PXMP2: variants seen among roughly 807,000 people sequenced by gnomAD.
The protein encoded by PXMP2 is 22 kDa peroxisomal membrane protein.
In PXMP2, 13 loss-of-function variants were observed where a neutral mutation model predicts 20.2. The observed-to-expected ratio is 0.64, with a 90% CI of 0.42 to 1.02. The LOEUF is 1.02. PXMP2 is among the 50% of genes least tolerant of loss of function. The pLI is 0.00. For synonymous variants in PXMP2, 113 were observed against 111.2 expected (o/e 1.02, Z -0.10); for missense variants, 284 against 251.8 (o/e 1.13, Z -0.87).
intron 1 of PXMP2, 30 bp downstream of exon 1, chr12:132,687,822 C>A: frequency 1.8e-6 from 2 of 1,130,274 alleles, no homozygotes; most frequent in African/African-American, 3.3e-5. Flanking sequence ...TCGGACGCCG[C>A]CCCGGCCCCA....
rs938658625 is a variant in PXMP2 at position 132,690,157 on chromosome 12, C to T, written c.123-106C>T. On this transcript the variant is annotated intron_variant, in intron 1 of 4. Coordinates refer to ENST00000317479, the MANE Select transcript of PXMP2 (RefSeq NM_018663.3). Reference sequence around the variant, plus strand: ...CGCTTTAACAAGAATTCCTACCCCCCGCCCATCTGCTGCATGGCCTCAGAA... The same window carrying T: ...CGCTTTAACAAGAATTCCTACCCCCTGCCCATCTGCTGCATGGCCTCAGAA... 52 of 810,894 alleles carry T rather than the reference C, an allele frequency of 6.4e-5. No individual in the cohort carries two copies. In the Admixed American group the frequency reaches 6.7e-4, roughly 10 times the overall value. 50.2% of individuals were successfully genotyped at this position (810,894 alleles called of 1,614,324 possible).
intron 2 of PXMP2, among the ~76,000 whole-genome samples, chr12:132,691,947 C>T (rs2043369435): frequency 6.6e-6 from 1 of 152,242 alleles, no homozygotes. Flanking sequence ...TAGAGTGCTG[C>T]ACCAGGTCCT....
rs1469190463 is a variant in PXMP2 at position 132,704,674 on chromosome 12, C to T, written c.575C>T (p.Ser192Phe). Residue 192 changes from serine to phenylalanine, a missense_variant, in exon 5 of 5, where the codon TCC becomes TTC. Physicochemically the swap from Ser to Phe is radical, Grantham distance 155. Coordinates refer to ENST00000317479, the MANE Select transcript of PXMP2 (RefSeq NM_018663.3). ...AALFWYAYLA[S>F]LGK ...CTGTTCTGGTATGCCTACCTGGCCT[C>T]CTTGGGGAAGTGACGACCGCTGGGA... 1 of 1,559,354 alleles carries T rather than the reference C, an allele frequency of 6.4e-7. No individual in the cohort carries two copies. Among genetic ancestry groups the T allele is most frequent in the African/African-American group, 1.4e-5 (1 of 72,836 alleles).
At chr12:132,690,231 C>T in intron 1 of PXMP2, 32 bp from the exon 2 acceptor site, 2 of 1,559,012 alleles carry the variant, frequency 1.3e-6, no homozygotes, top group Non-Finnish European at 1.8e-6. Flanking sequence ...CTGCTGGTCA[C>T]TGCTGTTTTC....
rs2043411246 is a variant in PXMP2 at position 132,696,622 on chromosome 12, A to C, written c.399+576A>C. Reference sequence around the variant, plus strand: ...AGACCAGCCTGGCCAACATGGTGAAACCTCGTCTCTACTAAAAATACAAAA... The same window carrying C: ...AGACCAGCCTGGCCAACATGGTGAACCCTCGTCTCTACTAAAAATACAAAA... On this transcript the variant is annotated intron_variant, in intron 3 of 4. Coordinates refer to ENST00000317479, the MANE Select transcript of PXMP2 (RefSeq NM_018663.3). This position sits in a 1 kb window ranked among gnomAD's most constrained non-coding sequence, Gnocchi z 4.4. 6.6e-6 allele frequency among the ~76,000 whole-genome samples: 1 copy of C among 150,820 alleles called. No individual in the cohort carries two copies. Among genetic ancestry groups the C allele is most frequent in the Non-Finnish European group, 1.5e-5 (1 of 67,698 alleles).
chr12:132,702,899 A>G (rs1011048441), intron 4 of PXMP2, among the ~76,000 whole-genome samples: 3 of 152,210 alleles, frequency 2.0e-5, no homozygotes, highest in Non-Finnish European at 4.4e-5. Context: ...GTGTGTGCAC[A>G]CTGCACACAC....
At chr12:132,690,493 T>G in intron 2 of PXMP2, 117 bp downstream of exon 2, 2 of 753,236 alleles carry the variant, frequency 2.7e-6, no homozygotes, top group South Asian at 3.9e-5. Flanking sequence ...TAAAAACCAT[T>G]GTAGTAATCA....
chr12:132,698,011 CCTT>C (rs996450252), intron 3 of PXMP2, among the ~76,000 whole-genome samples: 1 of 150,582 alleles, frequency 6.6e-6, no homozygotes, highest in African/African-American at 2.4e-5. Flanking sequence ...AGACGTGTCA[CCTT>C]TTTTTTTTTT....
chr12:132,695,969 A>C lies in PXMP2; in HGVS notation c.322A>C (p.Arg108=). Residue 108 remains arginine, a synonymous_variant, in exon 3 of 5, where the codon AGG becomes CGG. Coordinates refer to ENST00000317479, the MANE Select transcript of PXMP2 (RefSeq NM_018663.3). ...TCCTGAGGTCCCCCTGGCAGGGCTCAGGAGGCTTCTCCTGGACCGCCTCGT... is the reference window on the plus strand; with the variant it reads ...TCCTGAGGTCCCCCTGGCAGGGCTCCGGAGGCTTCTCCTGGACCGCCTCGT... ...IPPEVPLAGL[R]RLLLDRLVFA... The C allele has an allele frequency of 6.2e-7, 1 of 1,612,800 alleles. No homozygotes were observed. The highest frequency in any genetic ancestry group is 8.5e-7 in the Non-Finnish European group (1 of 1,179,446).
At chr12:132,690,483 T>A (rs900734265) in intron 2 of PXMP2, 107 bp downstream of exon 2, 85 of 839,022 alleles carry the variant, frequency 1.0e-4, no homozygotes, top group African/African-American at 7.8e-4. Flanking sequence ...TATAATTTTT[T>A]AAAAACCATT....
At position 132,701,328 on chromosome 12, in the gene PXMP2, A is replaced by G. The variant is rs201378843; in HGVS notation, c.478A>G (p.Thr160Ala). 2.5e-6 allele frequency: 4 copies of G among 1,612,590 alleles called. No individual in the cohort carries two copies. Among genetic ancestry groups the G allele is most frequent in the Non-Finnish European group, 3.4e-6 (4 of 1,179,640 alleles). ...PALRMNWRVWTPLQFININYV... is the reference protein window; with the variant it reads ...PALRMNWRVWAPLQFININYV... The stretch of plus-strand genomic sequence containing the variant: ...GCTGAGGATGAACTGGCGGGTGTGG[A>G]CGCCACTACAGTTCATCAACATCAA... Residue 160 changes from threonine to alanine, a missense_variant, in exon 4 of 5, where the codon ACG becomes GCG. Coordinates refer to ENST00000317479, the MANE Select transcript of PXMP2 (RefSeq NM_018663.3).
At chr12:132,692,150 C>T (rs935892609) in intron 2 of PXMP2, among the ~76,000 whole-genome samples, 157 of 144,292 alleles carry the variant, frequency 1.1e-3, no homozygotes, top group Non-Finnish European at 1.8e-3. Context: ...TTAGTGAGCT[C>T]CCTTGCCAGT....
intron 4 of PXMP2, among the ~76,000 whole-genome samples, chr12:132,703,783 G>T (rs1486589212): frequency 6.6e-6 from 1 of 152,192 alleles, no homozygotes; most frequent in Admixed American, 6.5e-5. Flanking sequence ...AAGGCAGGAA[G>T]GATAAAGGAT....
chr12:132,691,711 T>C (rs1019082678), intron 2 of PXMP2, among the ~76,000 whole-genome samples: 4 of 152,204 alleles, frequency 2.6e-5, no homozygotes, highest in Admixed American at 6.5e-5. Flanking sequence ...TTCAGTCCCC[T>C]TCCCCACTGA....
At chr12:132,699,328 C>T (rs1008047222) in intron 3 of PXMP2, among the ~76,000 whole-genome samples, 9 of 151,992 alleles carry the variant, frequency 5.9e-5, no homozygotes, top group African/African-American at 2.2e-4. Context: ...GAGACGGAGG[C>T]TTGATGTCAG....
chr12:132,691,749 CT>C (rs1393864358), intron 2 of PXMP2, among the ~76,000 whole-genome samples: 3 of 152,210 alleles, frequency 2.0e-5, no homozygotes, highest in African/African-American at 7.2e-5. Context: ...ACATAACCCC[CT>C]ATGACTGGGT....
At chr12:132,689,216 C>G (rs1303604532) in intron 1 of PXMP2, among the ~76,000 whole-genome samples, 2 of 146,520 alleles carry the variant, frequency 1.4e-5, no homozygotes, top group African/African-American at 2.6e-5. Context: ...CTGCGTGGTG[C>G]GGGTGAAGAC....
chr12:132,701,893 C>A (rs772010380), intron 4 of PXMP2, among the ~76,000 whole-genome samples: 1 of 152,150 alleles, frequency 6.6e-6, no homozygotes, highest in African/African-American at 2.4e-5. Flanking sequence ...AGTTCGAGAC[C>A]AGCCTGGCCA....
chr12:132,696,052 T>C lies in PXMP2; in HGVS notation c.399+6T>C. The stretch of plus-strand genomic sequence containing the variant: ...TCATCATGAACTTTCTGGAGGTGGG[T>C]GTCTGCCACAGCACTTACTGCAGCT... On this transcript the variant is annotated splice_donor_region_variant and intron_variant, in intron 3 of 4. Transcript: ENST00000317479. The surrounding 1 kb of genome is among the most constrained non-coding windows in gnomAD (Gnocchi z 4.4). 6.2e-7 allele frequency: 1 copy of C among 1,600,528 alleles called. No individual in the cohort carries two copies. The highest frequency in any genetic ancestry group is 8.5e-7 in the Non-Finnish European group (1 of 1,172,070).
Sources: gnomAD v4.1 joint callset for allele counts (sites outside exome capture counted in the v4.1 genomes callset) on GRCh38, gnomAD v4.1.1 for gene constraint, Gnocchi (gnomAD v3.1) non-coding constraint, MANE v1.5 for transcripts, NCBI Gene and HGNC (gene_info 2026-07-23, HGNC 2026-07-21) for gene names.